The following LDAH variants were observed in gnomAD, a reference collection of about 807,000 sequenced individuals.
LDAH encodes the protein lipid droplet-associated hydrolase.
LDAH carries 26 observed loss-of-function variants against 29.6 expected under a neutral mutation model. That is an observed-to-expected ratio of 0.88 (90% CI 0.64 to 1.22). The LOEUF is 1.22. LDAH is among the 50% of genes most tolerant of loss of function. LDAH has a pLI of 0.00. For missense variants in LDAH, 344 were observed against 387.3 expected (o/e 0.89, Z 0.94); for synonymous variants, 117 against 133.0 (o/e 0.88, Z 0.83).
At chr2:20,775,052 C>T in intron 3 of LDAH, 73 bp from the exon 4 acceptor site, 2 of 1,343,946 alleles carry the variant, frequency 1.5e-6, no homozygotes, top group Non-Finnish European at 2.1e-6. Context: ...AAAAAGATAA[C>T]AATCATGATA....
At chr2:20,702,294 G>T (rs1245941376) in intron 5 of LDAH, among the ~76,000 whole-genome samples, 4 of 152,132 alleles carry the variant, frequency 2.6e-5, no homozygotes, top group African/African-American at 9.7e-5. Context: ...TTTGTACCCT[G>T]AATTCCATTT....
intron 5 of LDAH, among the ~76,000 whole-genome samples, chr2:20,720,258 T>C (rs1416284018): frequency 6.6e-6 from 1 of 152,094 alleles, no homozygotes; most frequent in African/African-American, 2.4e-5. Flanking sequence ...ATAAAGATAG[T>C]AAAGTTGCAG....
At chr2:20,809,556 GA>G (rs1462620738) in intron 1 of LDAH, among the ~76,000 whole-genome samples, 1 of 152,120 alleles carries the variant, frequency 6.6e-6, no homozygotes. Context: ...ATAGTATTCT[GA>G]AAACGAGCCT....
Position 20,740,174 on chromosome 2 carries a change from A to G in LDAH, c.500T>C (p.Ile167Thr). ...VIRAFLLFPT[I>T]ERMSESPNGR... is the part of the protein sequence containing the mutation. ...ATTGGGTGACTCAGACATTCGTTCA[A>G]TTGTTGGAAAGAGCAGAAAGGCACG... is the stretch of plus-strand genomic sequence containing the variant. The change falls in exon 5 of 7, where the codon ATT (isoleucine) becomes ACT (threonine). Residue 167 changes from isoleucine (I) to threonine (T), a missense_variant. Physicochemically the swap from Ile to Thr is moderately conservative, Grantham distance 89. Transcript: ENST00000237822. The G allele has an allele frequency of 1.9e-6, 3 of 1,614,124 alleles. No homozygotes were observed. Among genetic ancestry groups the G allele is most frequent in the African/African-American group, 1.3e-5 (1 of 75,062 alleles).
chr2:20,696,916 G>C (rs1447931097), intron 6 of LDAH, among the ~76,000 whole-genome samples: 1 of 151,862 alleles, frequency 6.6e-6, no homozygotes, highest in South Asian at 2.1e-4. Context: ...GTGGCTCCTC[G>C]TCTTCCTCCC....
intron 4 of LDAH, among the ~76,000 whole-genome samples, chr2:20,755,191 G>A (rs1668259839): frequency 6.7e-6 from 1 of 149,644 alleles, no homozygotes; most frequent in Non-Finnish European, 1.5e-5. Flanking sequence ...AGCAAATGAG[G>A]TAAAATATTA....
At chr2:20,727,458 G>C (rs980470112) in intron 5 of LDAH, among the ~76,000 whole-genome samples, 25 of 151,918 alleles carry the variant, frequency 1.6e-4, no homozygotes, top group African/African-American at 5.3e-4. Flanking sequence ...CATATTAAGG[G>C]AAGAAAAAAT....
intron 5 of LDAH, among the ~76,000 whole-genome samples, chr2:20,737,990 A>G (rs143994745): frequency 0.015 from 2,295 of 152,228 alleles, 52 homozygotes; most frequent in African/African-American, 0.053. Context: ...ATGGTGGCGC[A>G]TGCCTGTAAT....
At chr2:20,801,547 G>A (rs1261293516) in intron 1 of LDAH, 82 bp from the exon 2 acceptor site, 2 of 1,224,676 alleles carry the variant, frequency 1.6e-6, no homozygotes, top group African/African-American at 1.5e-5. Flanking sequence ...GAATAAAAAA[G>A]GGCAAGTTTC....
At chr2:20,705,553 T>C (rs952011179) in intron 5 of LDAH, among the ~76,000 whole-genome samples, 4 of 152,238 alleles carry the variant, frequency 2.6e-5, no homozygotes, top group Non-Finnish European at 5.9e-5. Context: ...ACTAATCCTC[T>C]GTCATTTTTC....
chr2:20,769,709 C>T (rs1409325618), intron 4 of LDAH, among the ~76,000 whole-genome samples: 2 of 152,058 alleles, frequency 1.3e-5, no homozygotes, highest in Non-Finnish European at 2.9e-5. Flanking sequence ...ATTTTGAGTA[C>T]TTAAAATGCC....
rs1662731990 is a variant in LDAH at position 20,688,487 on chromosome 2, AG to A, written c.787-1394del. Among the ~76,000 whole-genome samples, 6 of 152,194 alleles carry A rather than the reference AG, an allele frequency of 3.9e-5. No homozygotes were observed. The South Asian group carries it at 1.2e-3, about 32-fold the overall frequency. ...GACTGCACAGTGAAGTGACATGCTG[AG>A]GTCCCTATGTCAGGAAAACCACTCT... is the stretch of plus-strand genomic sequence containing the variant. On this transcript the variant is annotated intron_variant, in intron 6 of 6. Coordinates refer to ENST00000237822, the MANE Select transcript of LDAH (RefSeq NM_021925.4).
chr2:20,814,434 G>C (rs1251179051), intron 1 of LDAH, among the ~76,000 whole-genome samples: 1 of 152,052 alleles, frequency 6.6e-6, no homozygotes, highest in African/African-American at 2.4e-5. Flanking sequence ...TGAAGGAAAG[G>C]AGAAAGAACT....
intron 5 of LDAH, among the ~76,000 whole-genome samples, chr2:20,722,380 A>AT: frequency 6.7e-6 from 1 of 148,360 alleles, no homozygotes; most frequent in Non-Finnish European, 1.5e-5. Context: ...ACTGTCTCAA[A>AT]AAAAAAAAAA....
intron 4 of LDAH, among the ~76,000 whole-genome samples, chr2:20,747,404 T>C (rs763420760): frequency 7.9e-5 from 12 of 152,082 alleles, no homozygotes; most frequent in Admixed American, 2.6e-4. Flanking sequence ...AACAAAAAAA[T>C]AGCACACAGT....
chr2:20,710,701 AT>A (rs1664684726), intron 5 of LDAH, among the ~76,000 whole-genome samples: 1 of 147,662 alleles, frequency 6.8e-6, no homozygotes. Context: ...TATTATACAT[AT>A]ATACACATAT....
intron 4 of LDAH, among the ~76,000 whole-genome samples, chr2:20,751,380 T>C (rs951323606): frequency 3.9e-5 from 6 of 152,196 alleles, no homozygotes; most frequent in Non-Finnish European, 8.8e-5. Flanking sequence ...AGTCCTCCTA[T>C]AGATCACCAT....
intron 5 of LDAH, among the ~76,000 whole-genome samples, chr2:20,708,576 T>A (rs2149367826): frequency 6.6e-6 from 1 of 152,292 alleles, no homozygotes; most frequent in East Asian, 1.9e-4. Flanking sequence ...ATGACAAAGA[T>A]AATAAAATTA....
chr2:20,700,707 T>TA (rs879676306), intron 6 of LDAH, among the ~76,000 whole-genome samples: 7 of 152,328 alleles, frequency 4.6e-5, no homozygotes, highest in Non-Finnish European at 7.4e-5. Context: ...TTACAATGTT[T>TA]AAAAAATTAT....
Sources: allele counts gnomAD v4.1 joint callset (sites outside exome capture counted in the v4.1 genomes callset), GRCh38; gene constraint gnomAD v4.1.1; transcripts MANE v1.5; gene names NCBI Gene and HGNC (gene_info 2026-07-23, HGNC 2026-07-21).